The following TARS2 variants were observed in gnomAD, a reference collection of about 807,000 sequenced individuals.
TARS2 encodes the protein threonine--tRNA ligase, mitochondrial.
A neutral mutation model predicts 94.4 loss-of-function variants in TARS2; 61 were observed. That is an observed-to-expected ratio of 0.65 (90% confidence interval 0.53 to 0.80). TARS2 has a LOEUF of 0.80. Ranked by LOEUF, TARS2 falls within the 30% of genes least tolerant of loss-of-function variation. TARS2 has a pLI of 0.00. For synonymous variants in TARS2, 359 were observed against 353.4 expected (o/e 1.02, Z -0.18); for missense variants, 704 against 902.5 (o/e 0.78, Z 2.82).
chr1:150,505,720 A>C lies in TARS2; in HGVS notation c.2008+15A>C, dbSNP rs772319603. The C allele has an allele frequency of 1.2e-6, 2 of 1,607,204 alleles. No homozygotes were observed. Among genetic ancestry groups the C allele is most frequent in the South Asian group, 1.1e-5 (1 of 90,554 alleles). On this transcript the variant is annotated intron_variant, in intron 17 of 17. Transcript: ENST00000369064. ...TTTTCAGTTTGGTAAGCTGAACCTCAGAGCCAATGTTCTCCCACCTGCCGT... is the reference window on the plus strand; with the variant it reads ...TTTTCAGTTTGGTAAGCTGAACCTCCGAGCCAATGTTCTCCCACCTGCCGT...
intron 13 of TARS2, among the ~76,000 whole-genome samples, chr1:150,502,578 G>A (rs1332436735): frequency 1.3e-5 from 2 of 151,758 alleles, no homozygotes; most frequent in South Asian, 2.1e-4. Flanking sequence ...TTTAGTAGAC[G>A]GCATTTCACC....
intron 13 of TARS2, among the ~76,000 whole-genome samples, chr1:150,503,296 A>G (rs17597088): frequency 0.31 from 47,497 of 152,038 alleles, 8,512 homozygotes; most frequent in Non-Finnish European, 0.4. Context: ...GGAAAATGGT[A>G]CAGCTTCATG....
At position 150,499,231 on chromosome 1, in the gene TARS2, C is replaced by T; in HGVS notation, c.1555C>T (p.Leu519=). The T allele has an allele frequency of 6.2e-7, 1 of 1,614,108 alleles. No homozygotes were observed. The highest frequency in any genetic ancestry group is 8.5e-7 in the Non-Finnish European group (1 of 1,180,024). The part of the protein sequence containing the change: ...DQAEQVLKQA[L]KEFGEPWDLN... ...TCCTTCAAAGGTCCTTAAACAGGCC[C>T]TGAAGGAATTTGGAGAACCCTGGGA... is the stretch of plus-strand genomic sequence containing the variant. Residue 519 remains leucine (L), a synonymous_variant, in exon 13 of 18, where the codon CTG becomes TTG. Coordinates refer to ENST00000369064, the MANE Select transcript of TARS2 (RefSeq NM_025150.5).
Position 150,497,756 on chromosome 1 carries a change from GGA to G in TARS2, c.1238+11_1238+12del. 1.2e-6 allele frequency: 2 copies of G among 1,612,072 alleles called. No homozygotes were observed. Among genetic ancestry groups the G allele is most frequent in the South Asian group, 2.2e-5 (2 of 90,922 alleles). Reference sequence around the variant, plus strand: ...AACTGCCCTGCACACTGGTAAGCTGGGAGCTAGGGTTACAATCAGGTTGCTAA... The same window carrying G: ...AACTGCCCTGCACACTGGTAAGCTGGGCTAGGGTTACAATCAGGTTGCTAA... On this transcript the variant is annotated intron_variant, in intron 10 of 17. Transcript: ENST00000369064.
intron 13 of TARS2, among the ~76,000 whole-genome samples, chr1:150,502,473 C>T (rs1372193210): frequency 1.3e-5 from 2 of 151,822 alleles, no homozygotes; most frequent in African/African-American, 4.8e-5. Flanking sequence ...ACAACCTCCA[C>T]CTCCTGGGTT....
At chr1:150,503,710 C>CGTGTGTATATATAT (rs1670067017) in intron 13 of TARS2, among the ~76,000 whole-genome samples, 1 of 130,862 alleles carries the variant, frequency 7.6e-6, no homozygotes, top group Non-Finnish European at 1.7e-5. Flanking sequence ...TGTATATATA[C>CGTGTGTATATATAT]ACACACACAC....
At chr1:150,502,678 G>T (rs2102504715) in intron 13 of TARS2, among the ~76,000 whole-genome samples, 1 of 152,256 alleles carries the variant, frequency 6.6e-6, no homozygotes, top group African/African-American at 2.4e-5. Context: ...AGTGGGCCAT[G>T]TGCCTTGCCT....
chr1:150,488,891 G>A, intron 2 of TARS2, 73 bp from the exon 3 acceptor site: 1 of 1,561,396 alleles, frequency 6.4e-7, no homozygotes, highest in East Asian at 2.2e-5. Context: ...ATAGGAATCA[G>A]AACATGTGAT....
chr1:150,505,747 T>C (rs1387176558), intron 17 of TARS2, 42 bp downstream of exon 17: 1 of 1,566,892 alleles, frequency 6.4e-7, no homozygotes, highest in African/African-American at 1.4e-5. Flanking sequence ...ACCTGCCGTC[T>C]GCATTCTTGC....
chr1:150,488,287 A>C, intron 2 of TARS2: 1 of 447,962 alleles, frequency 2.2e-6, no homozygotes, highest in Non-Finnish European at 4.0e-6. Flanking sequence ...CTTCCATCTC[A>C]GCCTCCCGAA....
chr1:150,493,696 C>T (rs1040771728), intron 7 of TARS2, among the ~76,000 whole-genome samples: 1 of 149,946 alleles, frequency 6.7e-6, no homozygotes, highest in Non-Finnish European at 1.5e-5. Context: ...GAGGTTGTGG[C>T]GATCCAAGAT....
intron 1 of TARS2, 49 bp downstream of exon 1, chr1:150,487,565 C>A (rs1226658431): frequency 6.2e-7 from 1 of 1,611,584 alleles, no homozygotes; most frequent in Non-Finnish European, 8.5e-7. Flanking sequence ...CTTAGCCCAG[C>A]CGAAGCCCCC....
At chr1:150,494,090 G>A (rs587605813) in intron 7 of TARS2, among the ~76,000 whole-genome samples, 21 of 152,170 alleles carry the variant, frequency 1.4e-4, no homozygotes, top group African/African-American at 5.1e-4. Flanking sequence ...ACCAGGCCAG[G>A]CATGGTGGCT....
At position 150,507,223 on chromosome 1, in the gene TARS2, C is replaced by A; in HGVS notation, c.*159C>A. The A allele has an allele frequency of 3.2e-6, 3 of 932,994 alleles. No individual in the cohort carries two copies. The highest frequency in any genetic ancestry group is 4.6e-6 in the Non-Finnish European group (3 of 645,808). The allele number at this position is 932,994 out of a possible 1,614,324, so 57.8% of individuals were successfully genotyped here. ...AAAGAGACTTGGTTTGGGGACCCCA[C>A]AAAAGGAGGGAAGCTGTAGCTGTTT... is the stretch of plus-strand genomic sequence containing the variant. On this transcript the variant is annotated 3_prime_UTR_variant, in exon 18 of 18. Coordinates refer to ENST00000369064, the MANE Select transcript of TARS2 (RefSeq NM_025150.5).
At chr1:150,490,774 G>A in intron 4 of TARS2, 49 bp downstream of exon 4, 1 of 1,610,430 alleles carries the variant, frequency 6.2e-7, no homozygotes, top group Non-Finnish European at 8.5e-7. Flanking sequence ...GGTTTCTGAG[G>A]CTCTTTTCAG....
At chr1:150,491,883 C>T in intron 6 of TARS2, 1 of 500,626 alleles carries the variant, frequency 2.0e-6, no homozygotes, top group East Asian at 3.7e-5. Flanking sequence ...CAACCTCCGC[C>T]TCCTGGGTTC....
At chr1:150,488,093 T>G in intron 2 of TARS2, 39 bp downstream of exon 2, 1 of 1,598,378 alleles carries the variant, frequency 6.3e-7, no homozygotes, top group South Asian at 1.1e-5. Flanking sequence ...ATTATCCTTC[T>G]GCCCCTTTAC....
At chr1:150,491,878 T>A (rs762120917) in intron 6 of TARS2, 3 of 487,952 alleles carry the variant, frequency 6.1e-6, no homozygotes, top group Non-Finnish European at 1.1e-5. Flanking sequence ...CACTGCAACC[T>A]CCGCCTCCTG....
chr1:150,506,255 C>T (rs1474465349), intron 17 of TARS2, among the ~76,000 whole-genome samples: 1 of 152,122 alleles, frequency 6.6e-6, no homozygotes, highest in African/African-American at 2.4e-5. Context: ...GGGACTTGTA[C>T]ATGGCCCCTT....
Sources: gnomAD v4.1 joint callset for allele counts (sites outside exome capture counted in the v4.1 genomes callset) on GRCh38, gnomAD v4.1.1 for gene constraint, MANE v1.5 for transcripts, NCBI Gene and HGNC (gene_info 2026-07-23, HGNC 2026-07-21) for gene names.